The following CSNK1G1 variants were observed in gnomAD, a reference collection of about 807,000 sequenced individuals.
CSNK1G1 encodes casein kinase I isoform gamma-1.
Under a neutral mutation model 59.6 loss-of-function variants are expected in CSNK1G1, and 22 were observed. That is an observed-to-expected ratio of 0.37 (90% CI 0.26 to 0.53). The LOEUF (loss-of-function observed/expected upper bound fraction) is 0.53. Among genes scored for constraint, CSNK1G1 ranks in the 20% least tolerant of loss-of-function variants. The pLI is 0.89. For synonymous variants in CSNK1G1, 179 were observed against 177.1 expected, an observed-to-expected ratio of 1.01 and a Z score of -0.08; for missense variants, 384 against 519.5, an observed-to-expected ratio of 0.74 and a Z score of 2.54.
chr15:64,214,513 AC>A lies in CSNK1G1; in HGVS notation c.445-390del, dbSNP rs374787588. Reference sequence around the variant, plus strand: ...GTTGGTGACCTTTGAGACAAATGCCACTGCTACATTCACCTTCTGCCCACAT... The same window carrying A: ...GTTGGTGACCTTTGAGACAAATGCCATGCTACATTCACCTTCTGCCCACAT... On this transcript the variant is annotated intron_variant, in intron 5 of 11. Transcript: ENST00000303052. The surrounding 1 kb of genome is among the most constrained non-coding windows in gnomAD (Gnocchi z 4.3). Among the ~76,000 whole-genome samples the A allele has an allele frequency of 9.2e-5, 14 of 152,316 alleles. No homozygotes were observed. The highest frequency in any genetic ancestry group is 1.9e-4 in the Non-Finnish European group (13 of 68,030).
At position 64,200,290 on chromosome 15, in the gene CSNK1G1, A is replaced by C. The variant is rs1355593464; in HGVS notation, c.1107+2792T>G. ...TGTTGACTGTGATATGACACTACTT[A>C]TCTATTTTTTCTTTACATACATTTT... On this transcript the variant is annotated intron_variant, in intron 10 of 11. Coordinates refer to ENST00000303052, the MANE Select transcript of CSNK1G1 (RefSeq NM_022048.5). This position sits in a 1 kb window ranked among gnomAD's most constrained non-coding sequence, Gnocchi z 4.3. Among the ~76,000 whole-genome samples the C allele has an allele frequency of 6.6e-6, 1 of 151,926 alleles. No individual in the cohort carries two copies. The highest frequency in any genetic ancestry group is 1.5e-5 in the Non-Finnish European group (1 of 67,982).
intron 1 of CSNK1G1, among the ~76,000 whole-genome samples, chr15:64,311,669 A>T (rs1896001375): frequency 1.2e-5 from 1 of 84,852 alleles, no homozygotes; most frequent in Non-Finnish European, 2.3e-5. Flanking sequence ...GTCTTTTTTA[A>T]AAAAAGTGAA....
Position 64,247,956 on chromosome 15 carries a change from GT to G in CSNK1G1, c.292+3555del, listed in dbSNP as rs200567717. 5.1e-3 allele frequency among the ~76,000 whole-genome samples: 775 copies of G among 152,264 alleles called. 10 individuals carry two copies. The highest frequency in any genetic ancestry group is 0.017 in the African/African-American group (719 of 41,550). ...AAACCTAAGTCACAATGGGCTTTTT[GT>G]TTAAGTATTCATTGTCAGGAAATCC... On this transcript the variant is annotated intron_variant, in intron 4 of 11. Transcript: ENST00000303052.
rs527271479 is a variant in CSNK1G1, at chr15:64,296,147, G to T, written c.181+4172C>A. ...TGGTTTTTTGTTTGTTTGAGACACGGTCTCACTCTGTCGCCCAGGCTGGAG... is the reference window on the plus strand; with the variant it reads ...TGGTTTTTTGTTTGTTTGAGACACGTTCTCACTCTGTCGCCCAGGCTGGAG... On this transcript the variant is annotated intron_variant, in intron 2 of 11. Transcript: ENST00000303052. Among the ~76,000 whole-genome samples the T allele has an allele frequency of 2.0e-5, 3 of 152,182 alleles. No individual in the cohort carries two copies. The East Asian group carries it at 5.8e-4, about 30-fold the overall frequency.
intron 11 of CSNK1G1, among the ~76,000 whole-genome samples, chr15:64,177,501 A>C (rs1209984120): frequency 6.6e-6 from 1 of 152,182 alleles, no homozygotes; most frequent in African/African-American, 2.4e-5. Context: ...AAATGCCCTA[A>C]GCCATGAGCT....
chr15:64,291,599 T>C (rs1894746614), intron 2 of CSNK1G1, among the ~76,000 whole-genome samples: 1 of 151,986 alleles, frequency 6.6e-6, no homozygotes, highest in Admixed American at 6.6e-5. Context: ...AAAAATAAAA[T>C]AAAATAAAAT....
chr15:64,295,561 G>A (rs548268143), intron 2 of CSNK1G1, among the ~76,000 whole-genome samples: 5 of 152,146 alleles, frequency 3.3e-5, no homozygotes, highest in Non-Finnish European at 7.3e-5. Context: ...AGCCTTTCTT[G>A]AGTACCCATT....
intron 4 of CSNK1G1, among the ~76,000 whole-genome samples, chr15:64,218,852 GTTTTTTT>G (rs11364699): frequency 1.8e-5 from 2 of 114,094 alleles, no homozygotes; most frequent in South Asian, 3.1e-4. Flanking sequence ...AATTTGAAGT[GTTTTTTT>G]TTTTTTTTTT....
At chr15:64,276,747 C>T (rs900919324) in intron 2 of CSNK1G1, among the ~76,000 whole-genome samples, 6 of 151,890 alleles carry the variant, frequency 4.0e-5, no homozygotes, top group African/African-American at 1.4e-4. Context: ...AGATCGAGAC[C>T]ATCCTGGCTA....
chr15:64,254,414 C>A (rs1892260269), intron 3 of CSNK1G1, among the ~76,000 whole-genome samples: 1 of 149,060 alleles, frequency 6.7e-6, no homozygotes, highest in Non-Finnish European at 1.5e-5. Context: ...AGTGCAATGG[C>A]ATGATATTGG....
chr15:64,238,518 A>AAAAAAAATATAT (rs1555396879), intron 4 of CSNK1G1, among the ~76,000 whole-genome samples: 1 of 49,246 alleles, frequency 2.0e-5, no homozygotes, highest in African/African-American at 1.2e-4. Context: ...AAAAAAAAAA[A>AAAAAAAATATAT]ATATATATAT....
intron 11 of CSNK1G1, among the ~76,000 whole-genome samples, chr15:64,173,499 A>C (rs1222236468): frequency 1.3e-5 from 2 of 152,222 alleles, no homozygotes; most frequent in African/African-American, 2.4e-5. Flanking sequence ...TTTGGAAACT[A>C]AATTCTTTTA....
chr15:64,345,894 G>A lies in CSNK1G1; in HGVS notation c.-225+10094C>T, dbSNP rs186560474. On this transcript the variant is annotated intron_variant, in intron 1 of 11. Transcript: ENST00000303052. The stretch of plus-strand genomic sequence containing the variant: ...GCAACCTCCTACTCCCTGGTTAAGC[G>A]ATTCTCCTGTCTCAGCCTCCCAAGT... 4.5e-4 allele frequency among the ~76,000 whole-genome samples: 69 copies of A among 152,210 alleles called. No individual in the cohort carries two copies. In the East Asian group the frequency reaches 0.012, roughly 27 times the overall value.
chr15:64,189,866 T>C (rs1326935174), intron 10 of CSNK1G1, among the ~76,000 whole-genome samples: 5 of 150,212 alleles, frequency 3.3e-5, no homozygotes, highest in African/African-American at 1.2e-4. Flanking sequence ...TCGCCCAGGC[T>C]GGAGTGCAGT....
rs183472813 is a variant in CSNK1G1, at chr15:64,200,286, A to T, written c.1107+2796T>A. On this transcript the variant is annotated intron_variant, in intron 10 of 11. Transcript: ENST00000303052. The surrounding 1 kb of genome is among the most constrained non-coding windows in gnomAD (Gnocchi z 4.3). ...TATATGTTGACTGTGATATGACACT[A>T]CTTATCTATTTTTTCTTTACATACA... Among the ~76,000 whole-genome samples the T allele has an allele frequency of 3.3e-4, 50 of 152,090 alleles. No individual in the cohort carries two copies. The East Asian group carries it at 8.1e-3, about 25-fold the overall frequency.
At chr15:64,221,457 T>A (rs2082387250) in intron 4 of CSNK1G1, among the ~76,000 whole-genome samples, 1 of 152,046 alleles carries the variant, frequency 6.6e-6, no homozygotes, top group African/African-American at 2.4e-5. Flanking sequence ...GAATTAAGAG[T>A]TCCTGCTCGC....
intron 4 of CSNK1G1, among the ~76,000 whole-genome samples, chr15:64,220,096 C>CTTT (rs113389447): frequency 7.3e-6 from 1 of 136,656 alleles, no homozygotes; most frequent in Admixed American, 7.4e-5. Context: ...AATAACATAA[C>CTTT]TTTTTTTTTT....
At chr15:64,346,085 A>G (rs1897947583) in intron 1 of CSNK1G1, among the ~76,000 whole-genome samples, 2 of 152,028 alleles carry the variant, frequency 1.3e-5, no homozygotes, top group East Asian at 3.9e-4. Context: ...CCGGCAGAAA[A>G]AATTTGCATA....
chr15:64,304,783 G>C (rs753376416), intron 1 of CSNK1G1, among the ~76,000 whole-genome samples: 1 of 152,152 alleles, frequency 6.6e-6, no homozygotes, highest in Non-Finnish European at 1.5e-5. Flanking sequence ...ATAATCAAAA[G>C]AGAGATTGCC....
Sources: allele counts gnomAD v4.1 joint callset (sites outside exome capture counted in the v4.1 genomes callset), GRCh38; gene constraint gnomAD v4.1.1; non-coding constraint Gnocchi (gnomAD v3.1); transcripts MANE v1.5; gene names NCBI Gene and HGNC (gene_info 2026-07-23, HGNC 2026-07-21).